Variants in MARK3 observed in about 807,000 individuals in gnomAD.
The protein encoded by MARK3 is microtubule affinity regulating kinase 3.
MARK3 carries 46 observed loss-of-function variants against 90.1 expected under a neutral mutation model. That is an observed-to-expected ratio of 0.51 (90% CI 0.40 to 0.65). MARK3 has a LOEUF of 0.65. MARK3 is among the 30% of genes least tolerant of loss of function. MARK3 has a pLI of 0.00. For synonymous variants in MARK3, 321 were observed against 332.6 expected, an observed-to-expected ratio of 0.97 and a Z score of 0.38; for missense variants, 818 against 947.2, an observed-to-expected ratio of 0.86 and a Z score of 1.79.
intron 2 of MARK3, among the ~76,000 whole-genome samples, chr14:103,411,916 C>T (rs1483130060): frequency 1.1e-4 from 16 of 150,616 alleles, no homozygotes; most frequent in Non-Finnish European, 1.5e-4. Flanking sequence ...CCACCACGCC[C>T]GGCCAATGAC....
rs2075750302 is a variant in MARK3, at chr14:103,502,908, A to G, written c.1943A>G (p.Asp648Gly). 4.3e-6 allele frequency: 7 copies of G among 1,612,300 alleles called. No individual in the cohort carries two copies. Among genetic ancestry groups the G allele is most frequent in the Admixed American group, 1.7e-5 (1 of 59,918 alleles). Residue 648 changes from aspartate (D) to glycine (G), a missense_variant, in exon 18 of 18, where the codon GAT becomes GGT. By Grantham distance (94) the Asp-to-Gly change is moderately conservative. This residue lies in a region of MARK3 where 560 missense variants were observed against 613.5 expected (regional missense o/e 0.91). Transcript: ENST00000429436. ...SSRNVSAEQK[D>G]ENKEAKPRSL... Reference sequence around the variant, plus strand: ...CGCAATGTATCTGCTGAGCAAAAAGATGAAAACAAAGAAGCAAAGCCTCGA... The same window carrying G: ...CGCAATGTATCTGCTGAGCAAAAAGGTGAAAACAAAGAAGCAAAGCCTCGA...
chr14:103,470,455 A>ATCTTTTTTTTTTTTTTT (rs2093604554), intron 12 of MARK3, among the ~76,000 whole-genome samples: 1 of 55,050 alleles, frequency 1.8e-5, no homozygotes, highest in African/African-American at 5.6e-5. Context: ...AACTAAATCT[A>ATCTTTTTTTTTTTTTTT]TTTTTTTTTT....
chr14:103,458,508 G>T (rs1430398839), intron 6 of MARK3, among the ~76,000 whole-genome samples: 3 of 129,696 alleles, frequency 2.3e-5, no homozygotes, highest in Non-Finnish European at 3.3e-5. Flanking sequence ...CCAAATGAAT[G>T]AACGTGACTG....
intron 1 of MARK3, among the ~76,000 whole-genome samples, chr14:103,389,135 C>G (rs1056060954): frequency 1.3e-5 from 2 of 152,046 alleles, no homozygotes; most frequent in Non-Finnish European, 2.9e-5. Context: ...GAGGCTGAGG[C>G]TGGCGGATCA....
intron 14 of MARK3, among the ~76,000 whole-genome samples, chr14:103,487,745 T>G (rs1595909663): frequency 6.6e-6 from 1 of 152,234 alleles, no homozygotes; most frequent in East Asian, 1.9e-4. Flanking sequence ...AGCTGTATCT[T>G]GTTAGAAAAA....
At chr14:103,409,435 T>TAAAAAAA (rs61200962) in intron 2 of MARK3, among the ~76,000 whole-genome samples, 78 of 93,422 alleles carry the variant, frequency 8.3e-4, no homozygotes, top group African/African-American at 2.7e-3. Context: ...GAACTTAAAG[T>TAAAAAAA]AAAAAAAAAA....
At chr14:103,460,104 T>TTTTTA (rs869151389) in intron 6 of MARK3, among the ~76,000 whole-genome samples, 1 of 108,620 alleles carries the variant, frequency 9.2e-6, no homozygotes, top group East Asian at 2.4e-4. Flanking sequence ...TTTTTTTTTT[T>TTTTTA]GAGACAAATC....
At position 103,462,436 on chromosome 14, in the gene MARK3, A is replaced by G; in HGVS notation, c.515A>G (p.Lys172Arg). The G allele has an allele frequency of 6.2e-7, 1 of 1,604,958 alleles. No individual in the cohort carries two copies. The highest frequency in any genetic ancestry group is 2.2e-5 in the East Asian group (1 of 44,534). ...TCTGCAGTTCAATACTGCCATCAGA[A>G]ACGGATCGTACATCGAGACCTCAAG... ...IVSAVQYCHQ[K>R]RIVHRDLKAE... The change falls in exon 7 of 18, where the codon AAA (lysine) becomes AGA (arginine). Residue 172 changes from lysine (K) to arginine (R), a missense_variant. By Grantham distance (26) the Lys-to-Arg change is conservative. Around this residue, in one of 3 missense-constraint regions of MARK3, gnomAD observed 101 missense variants for 175.1 expected, o/e 0.58. Transcript: ENST00000429436.
intron 1 of MARK3, among the ~76,000 whole-genome samples, chr14:103,391,362 C>T (rs571288032): frequency 1.3e-5 from 2 of 152,268 alleles, no homozygotes; most frequent in South Asian, 2.1e-4. Context: ...AGTATCATTT[C>T]CTCTCTAAAG....
intron 1 of MARK3, among the ~76,000 whole-genome samples, chr14:103,404,851 A>G (rs548923608): frequency 2.0e-5 from 3 of 152,182 alleles, no homozygotes; most frequent in Non-Finnish European, 2.9e-5. Flanking sequence ...CAAAATATCT[A>G]ATTTCTTCCT....
At chr14:103,495,199 A>G (rs1221733397) in intron 15 of MARK3, among the ~76,000 whole-genome samples, 1 of 152,174 alleles carries the variant, frequency 6.6e-6, no homozygotes, top group African/African-American at 2.4e-5. Context: ...GGCCTGGTGC[A>G]GTGGCTTACG....
chr14:103,482,432 A>G (rs535943476), intron 14 of MARK3, among the ~76,000 whole-genome samples: 1 of 152,038 alleles, frequency 6.6e-6, no homozygotes, highest in Non-Finnish European at 1.5e-5. Context: ...GAGGCAGGAG[A>G]ATTACTTGAA....
chr14:103,411,158 C>T (rs1289170657), intron 2 of MARK3, among the ~76,000 whole-genome samples: 2 of 152,076 alleles, frequency 1.3e-5, no homozygotes, highest in African/African-American at 2.4e-5. Flanking sequence ...CCTGTAGCCC[C>T]AGCTGTTCAG....
intron 15 of MARK3, among the ~76,000 whole-genome samples, chr14:103,495,678 T>C (rs555941953): frequency 6.6e-5 from 10 of 152,232 alleles, no homozygotes; most frequent in Non-Finnish European, 1.5e-4. Context: ...GTTTACAATT[T>C]CCAGGCTATT....
At position 103,485,063 on chromosome 14, in the gene MARK3, C is replaced by CAAAAAAAAAAAAAAAAAAA. The variant is rs34312214; in HGVS notation, c.1586+4590_1586+4591insAAAAAAAAAAAAAAAAAAA. ...AGAAACCCCATCTCTACTAAAAATACAAAAAAAAAAAAAAAAATTAGCCAG... is the reference window on the plus strand; with the variant it reads ...AGAAACCCCATCTCTACTAAAAATACAAAAAAAAAAAAAAAAAAAAAAAAAAAAAAAAAAAATTAGCCAG... On this transcript the variant is annotated intron_variant, in intron 14 of 17. Transcript: ENST00000429436. 8.2e-5 allele frequency among the ~76,000 whole-genome samples: 8 copies of CAAAAAAAAAAAAAAAAAAA among 97,746 alleles called. 1 individual carries two copies. Among genetic ancestry groups the CAAAAAAAAAAAAAAAAAAA allele is most frequent in the African/African-American group, 3.3e-4 (8 of 24,576 alleles). 64.1% of individuals were successfully genotyped at this position (97,746 alleles called of 152,430 possible).
chr14:103,478,548 CTT>C (rs755656185), intron 13 of MARK3, among the ~76,000 whole-genome samples: 5 of 144,868 alleles, frequency 3.5e-5, no homozygotes, highest in Admixed American at 6.9e-5. Context: ...TTTCTTTTCC[CTT>C]TTTTTTTTTT....
At chr14:103,387,342 G>A (rs527920076) in intron 1 of MARK3, among the ~76,000 whole-genome samples, 1 of 152,280 alleles carries the variant, frequency 6.6e-6, no homozygotes, top group East Asian at 1.9e-4. Context: ...CCCTGAGTAA[G>A]TAGAACAGTG....
At chr14:103,429,109 A>G (rs1048574965) in intron 3 of MARK3, 2 of 152,236 alleles carry the variant, frequency 1.3e-5, no homozygotes, top group African/African-American at 2.4e-5. Context: ...GACATCAGCA[A>G]ATAATTAATG....
chr14:103,409,559 G>C (rs892910272), intron 2 of MARK3, among the ~76,000 whole-genome samples: 1 of 149,318 alleles, frequency 6.7e-6, no homozygotes, highest in Non-Finnish European at 1.5e-5. Flanking sequence ...TAGAAATATA[G>C]AAATTCATTA....
Sources: allele counts gnomAD v4.1 joint callset (sites outside exome capture counted in the v4.1 genomes callset), GRCh38; gene constraint gnomAD v4.1.1; regional missense constraint gnomAD v4.1.1; transcripts MANE v1.5; gene names NCBI Gene and HGNC (gene_info 2026-07-23, HGNC 2026-07-21).